Variants in USO1 observed in about 807,000 individuals in gnomAD.
The protein encoded by USO1 is USO1 vesicle transport factor.
USO1 carries 57 observed loss-of-function variants against 124.5 expected under a neutral mutation model. That is an observed-to-expected ratio of 0.46 (90% CI 0.37 to 0.57). USO1 has a LOEUF of 0.57. USO1 is among the 20% of genes least tolerant of loss of function. The pLI is 0.00. For synonymous variants in USO1, 369 were observed against 362.8 expected (o/e 1.02, Z -0.19); for missense variants, 900 against 1,040.6 (o/e 0.86, Z 1.86).
intron 1 of USO1, among the ~76,000 whole-genome samples, chr4:75,729,371 G>C (rs184305200): frequency 4.0e-5 from 6 of 151,778 alleles, no homozygotes; most frequent in African/African-American, 1.2e-4. Flanking sequence ...ACGAAGTCTC[G>C]CTCTGTCGCC....
intron 18 of USO1, 153 bp from the exon 19 acceptor site, chr4:75,804,987 T>G (rs1334603578): frequency 6.1e-6 from 6 of 975,884 alleles, no homozygotes; most frequent in Non-Finnish European, 8.4e-6. Flanking sequence ...TTCACTATTT[T>G]TATCAGTATA....
intron 1 of USO1, among the ~76,000 whole-genome samples, chr4:75,726,120 A>G (rs961166350): frequency 9.9e-5 from 15 of 152,128 alleles, no homozygotes; most frequent in African/African-American, 3.6e-4. Context: ...CGTCTCTACT[A>G]AAAATACAGA....
chr4:75,741,066 T>A (rs996866302), intron 1 of USO1, among the ~76,000 whole-genome samples: 1 of 152,118 alleles, frequency 6.6e-6, no homozygotes, highest in Non-Finnish European at 1.5e-5. Context: ...CATCCTAGAG[T>A]GTACTTAAAG....
chr4:75,782,658 G>C (rs1163681497), intron 8 of USO1, 22 bp from the exon 9 acceptor site: 1 of 1,529,280 alleles, frequency 6.5e-7, no homozygotes. Context: ...CTTAACGCTT[G>C]TGTTTTACAT....
At chr4:75,801,962 G>C (rs1176643352) in intron 17 of USO1, among the ~76,000 whole-genome samples, 1 of 152,130 alleles carries the variant, frequency 6.6e-6, no homozygotes, top group Admixed American at 6.5e-5. Context: ...TGGGATTATA[G>C]GCGTGTGCCA....
At chr4:75,744,995 T>G (rs547777155) in intron 1 of USO1, 5 of 445,404 alleles carry the variant, frequency 1.1e-5, no homozygotes, top group South Asian at 8.2e-5. Flanking sequence ...CCTCTTAAAT[T>G]TAGGTCTTTC....
Position 75,782,739 on chromosome 4 carries a change from A to C in USO1, c.736A>C (p.Asn246His). Reference protein sequence around the residue: ...LQNLLKNNNSNQNFFKEGSYI... With the variant: ...LQNLLKNNNSHQNFFKEGSYI... The stretch of plus-strand genomic sequence containing the variant: ...AAACTTATTAAAAAACAACAACTCC[A>C]ATCAAAATTTTTTTAAAGAAGGCTC... Residue 246 changes from asparagine (N) to histidine (H), a missense_variant, in exon 9 of 24, where the codon AAT becomes CAT. Physicochemically the swap from Asn to His is moderately conservative, Grantham distance 68. Around this residue, in one of 2 missense-constraint regions of USO1, gnomAD observed 538 missense variants for 681.6 expected, o/e 0.79. Coordinates refer to ENST00000514213, the MANE Select transcript of USO1 (RefSeq NM_003715.4). 6.3e-7 allele frequency: 1 copy of C among 1,583,508 alleles called. No homozygotes were observed. The highest frequency in any genetic ancestry group is 8.6e-7 in the Non-Finnish European group (1 of 1,164,876).
At chr4:75,801,281 T>A in intron 17 of USO1, 81 bp downstream of exon 17, 4 of 1,421,784 alleles carry the variant, frequency 2.8e-6, no homozygotes, top group Middle Eastern at 1.9e-4. Context: ...TTCTGACATT[T>A]CAAATGAAAG....
intron 4 of USO1, chr4:75,760,687 C>A (rs1320136601): frequency 2.5e-6 from 1 of 395,706 alleles, no homozygotes; most frequent in South Asian, 1.3e-4. Context: ...AGTACTGTTT[C>A]TTCTGGCTGG....
chr4:75,732,211 C>T (rs751811530), intron 1 of USO1, among the ~76,000 whole-genome samples: 23 of 152,064 alleles, frequency 1.5e-4, no homozygotes, highest in African/African-American at 4.6e-4. Context: ...TCTTTAGGTC[C>T]GTGCTTACTC....
At chr4:75,808,058 C>T (rs1723044572) in intron 20 of USO1, among the ~76,000 whole-genome samples, 1 of 152,088 alleles carries the variant, frequency 6.6e-6, no homozygotes, top group African/African-American at 2.4e-5. Context: ...CTTTTACTTG[C>T]CATTGTCCCA....
At chr4:75,793,097 T>A (rs550895511) in intron 12 of USO1, among the ~76,000 whole-genome samples, 1 of 152,226 alleles carries the variant, frequency 6.6e-6, no homozygotes, top group Admixed American at 6.5e-5. Context: ...TTTGTATGGC[T>A]GAATAGTACT....
intron 1 of USO1, among the ~76,000 whole-genome samples, chr4:75,727,562 T>C (rs1258919596): frequency 6.6e-6 from 1 of 152,222 alleles, no homozygotes; most frequent in Non-Finnish European, 1.5e-5. Context: ...GGTCATGGAT[T>C]ACTAATTTAG....
chr4:75,740,710 TTAGAG>T (rs1315733696), intron 1 of USO1, among the ~76,000 whole-genome samples: 2 of 152,234 alleles, frequency 1.3e-5, no homozygotes, highest in East Asian at 1.9e-4. Context: ...AGGTGGTATT[TTAGAG>T]TAGGTAATAA....
intron 4 of USO1, among the ~76,000 whole-genome samples, chr4:75,760,073 G>A (rs529426695): frequency 1.1e-3 from 164 of 151,926 alleles, no homozygotes; most frequent in African/African-American, 3.8e-3. Flanking sequence ...TTAGCCGGGC[G>A]TGGTGGTGCA....
intron 9 of USO1, among the ~76,000 whole-genome samples, chr4:75,785,215 A>G (rs773169840): frequency 1.1e-4 from 17 of 152,352 alleles, no homozygotes; most frequent in East Asian, 7.7e-4. Context: ...TGTTGGAACT[A>G]TTCATCATCA....
chr4:75,796,318 ATCCCAGAAAGT>A (rs142951842), intron 13 of USO1, among the ~76,000 whole-genome samples: 64,699 of 124,484 alleles, frequency 0.52, 19,344 homozygotes, highest in East Asian at 0.81. Flanking sequence ...CGTTTTCATA[ATCCCAGAAAGT>A]TCCATCATGC....
At chr4:75,809,727 T>G (rs1253326561) in intron 21 of USO1, among the ~76,000 whole-genome samples, 1 of 152,238 alleles carries the variant, frequency 6.6e-6, no homozygotes, top group Non-Finnish European at 1.5e-5. Context: ...GCCAGCATTC[T>G]TCTTCTCACT....
chr4:75,734,997 G>A (rs1720748632), intron 1 of USO1, among the ~76,000 whole-genome samples: 1 of 152,070 alleles, frequency 6.6e-6, no homozygotes, highest in African/African-American at 2.4e-5. Flanking sequence ...CCAAAGTGCT[G>A]GGATTACAGA....
Sources: gnomAD v4.1 joint callset for allele counts (sites outside exome capture counted in the v4.1 genomes callset) on GRCh38, gnomAD v4.1.1 for gene constraint, gnomAD v4.1.1 regional missense constraint, MANE v1.5 for transcripts, NCBI Gene and HGNC (gene_info 2026-07-23, HGNC 2026-07-21) for gene names.